The following LMLN variants were observed in gnomAD, a reference collection of about 807,000 sequenced individuals.
The protein encoded by LMLN is leishmanolysin like peptidase, also known as leishmanolysin-like peptidase.
Under a neutral mutation model 92.3 loss-of-function variants are expected in LMLN, and 70 were observed. The ratio of observed to expected loss-of-function variants is 0.76; its 90% CI spans 0.63 to 0.92. The LOEUF (loss-of-function observed/expected upper bound fraction) is 0.92, where lower values mean the gene tolerates loss of function less well. Ranked by LOEUF, LMLN falls within the 40% of genes least tolerant of loss-of-function variation. The pLI is 0.00. For synonymous variants in LMLN, 308 were observed against 296.2 expected (o/e 1.04, Z -0.41); for missense variants, 691 against 814.6 (o/e 0.85, Z 1.85).
intron 13 of LMLN, among the ~76,000 whole-genome samples, chr3:198,023,905 G>A (rs986565756): frequency 6.6e-6 from 1 of 152,196 alleles, no homozygotes; most frequent in African/African-American, 2.4e-5. Flanking sequence ...ACTTCCAGGA[G>A]GTGGCACAAG....
intron 9 of LMLN, among the ~76,000 whole-genome samples, chr3:197,993,682 T>G (rs931770155): frequency 6.6e-6 from 1 of 152,130 alleles, no homozygotes; most frequent in Non-Finnish European, 1.5e-5. Context: ...ACAGATTCAG[T>G]GCTATCCCTA....
At chr3:198,038,492 A>C in intron 15 of LMLN, 75 bp from the exon 17 acceptor site, 1 of 1,036,276 alleles carries the variant, frequency 9.6e-7, no homozygotes, top group Non-Finnish European at 1.5e-6. Flanking sequence ...ACTGCTCTTC[A>C]TCTGTCAATA....
intron 14 of LMLN, among the ~76,000 whole-genome samples, chr3:198,030,180 C>G (rs1723041242): frequency 6.6e-6 from 1 of 152,144 alleles, no homozygotes; most frequent in Admixed American, 6.6e-5. Context: ...ATTATTCTTT[C>G]ATAAGGTTTG....
Position 198,019,488 on chromosome 3 carries a change from CTTGT to C in LMLN, c.1365+110_1365+113del. The C allele has an allele frequency of 1.7e-6, 2 of 1,184,732 alleles. No individual in the cohort carries two copies. The highest frequency in any genetic ancestry group is 2.5e-5 in the East Asian group (1 of 39,416). The allele number at this position is 1,184,732 out of a possible 1,614,324, so 73.4% of individuals were successfully genotyped here. ...TCTTAAGATTCTTAATTTATAAGGC[CTTGT>C]TTGTTTTCTGTAAGTTAGAAAAAAA... On this transcript the variant is annotated intron_variant, in intron 12 of 15. Transcript: ENST00000330198. The surrounding 1 kb of genome is among the most constrained non-coding windows in gnomAD (Gnocchi z 5.5).
intron 9 of LMLN, among the ~76,000 whole-genome samples, chr3:197,991,395 C>T (rs1721865055): frequency 6.6e-6 from 1 of 151,932 alleles, no homozygotes; most frequent in South Asian, 2.1e-4. Context: ...CATGAGTCAC[C>T]ACACTTGGCC....
At chr3:198,001,057 C>T (rs1581159103) in intron 11 of LMLN, among the ~76,000 whole-genome samples, 1 of 152,178 alleles carries the variant, frequency 6.6e-6, no homozygotes, top group South Asian at 2.1e-4. Context: ...CACTAGTGCT[C>T]ATCCTTCTGA....
chr3:198,018,640 T>G (rs1437546664), intron 11 of LMLN, among the ~76,000 whole-genome samples: 1 of 152,206 alleles, frequency 6.6e-6, no homozygotes, highest in East Asian at 1.9e-4. Context: ...ATAAGAAATA[T>G]TTAATACAGG....
At chr3:198,009,506 C>T (rs373740424) in intron 11 of LMLN, among the ~76,000 whole-genome samples, 2 of 152,150 alleles carry the variant, frequency 1.3e-5, no homozygotes, top group African/African-American at 4.8e-5. Context: ...AGTTTTTCCT[C>T]CTCTTCTATT....
At chr3:197,988,050 C>G (rs1393002996) in intron 8 of LMLN, among the ~76,000 whole-genome samples, 6 of 151,980 alleles carry the variant, frequency 3.9e-5, no homozygotes, top group Non-Finnish European at 8.8e-5. Context: ...ACTCCTTTTT[C>G]ATGCTTATTA....
intron 11 of LMLN, among the ~76,000 whole-genome samples, chr3:198,016,194 C>CA (rs202075630): frequency 0.032 from 2,715 of 83,778 alleles, 26 homozygotes; most frequent in Non-Finnish European, 0.045. Flanking sequence ...GTTGCAAAAA[C>CA]AAAAAAAAAA....
At chr3:198,000,074 T>C (rs1020331019) in intron 11 of LMLN, among the ~76,000 whole-genome samples, 1 of 152,148 alleles carries the variant, frequency 6.6e-6, no homozygotes, top group Non-Finnish European at 1.5e-5. Flanking sequence ...TTTTTTTAAG[T>C]AGAGACAAGG....
chr3:198,040,594 T>C (rs111438051), exon 16 of LMLN: 1 of 135,798 alleles, frequency 7.4e-6, no homozygotes, highest in African/African-American at 3.0e-5. Context: ...CTCCATGGCA[T>C]TGTAACCACA....
At chr3:197,994,658 A>G (rs1184968832) in intron 9 of LMLN, 12 of 152,210 alleles carry the variant, frequency 7.9e-5, no homozygotes, top group Non-Finnish European at 1.6e-4. Flanking sequence ...GAAGATTAGC[A>G]TGGCCCCAGT....
chr3:197,970,956 T>G (rs1323975423), intron 1 of LMLN, among the ~76,000 whole-genome samples: 1 of 151,360 alleles, frequency 6.6e-6, no homozygotes, highest in Admixed American at 6.6e-5. Context: ...GTAGGTCTGC[T>G]GGTGATCAGT....
rs1722016505 is a variant in LMLN, at chr3:197,996,291, G to T, written c.1155+9G>T. On this transcript the variant is annotated intron_variant, in intron 10 of 15. Coordinates refer to ENST00000330198, the Ensembl canonical transcript of LMLN. Reference sequence around the variant, plus strand: ...AAAAAAGGTTATTAGAGGTCAGTTTGTTTTTAAATTTTCCTAGACTTTATT... The same window carrying T: ...AAAAAAGGTTATTAGAGGTCAGTTTTTTTTTAAATTTTCCTAGACTTTATT... 1 of 1,481,288 alleles carries T rather than the reference G, an allele frequency of 6.8e-7. No homozygotes were observed. The highest frequency in any genetic ancestry group is 1.4e-5 in the African/African-American group (1 of 69,818). 91.8% of individuals were successfully genotyped at this position (1,481,288 alleles called of 1,614,324 possible).
At chr3:198,011,333 C>G (rs1722432229) in intron 11 of LMLN, among the ~76,000 whole-genome samples, 1 of 151,826 alleles carries the variant, frequency 6.6e-6, no homozygotes, top group Non-Finnish European at 1.5e-5. Context: ...TCCATGTGTT[C>G]TCATTGTTCA....
intron 11 of LMLN, 178 bp downstream of exon 11, chr3:197,999,520 T>C (rs780625369): frequency 3.5e-5 from 21 of 594,932 alleles, no homozygotes; most frequent in Non-Finnish European, 6.0e-5. Flanking sequence ...CATTCGTTCA[T>C]TCAATAAATA....
intron 7 of LMLN, among the ~76,000 whole-genome samples, chr3:197,984,741 A>T (rs1245439892): frequency 6.6e-6 from 1 of 150,976 alleles, no homozygotes; most frequent in African/African-American, 2.4e-5. Context: ...GAGCCACTAT[A>T]TCCAGCCCTC....
At chr3:197,960,914 G>T (rs1224179734) in intron 1 of LMLN, among the ~76,000 whole-genome samples, 1 of 152,060 alleles carries the variant, frequency 6.6e-6, no homozygotes, top group Non-Finnish European at 1.5e-5. Context: ...GGCGTTGGTG[G>T]GACGTTGGGG....
Sources: gnomAD v4.1 joint callset for allele counts (sites outside exome capture counted in the v4.1 genomes callset) on GRCh38, gnomAD v4.1.1 for gene constraint, Gnocchi (gnomAD v3.1) non-coding constraint, MANE v1.5 for transcripts, NCBI Gene and HGNC (gene_info 2026-07-23, HGNC 2026-07-21) for gene names.